Variants in NELL1 observed in about 807,000 individuals in gnomAD.
NELL1 encodes the protein neural EGFL like 1.
Under a neutral mutation model 107.4 loss-of-function variants are expected in NELL1, and 76 were observed. The ratio of observed to expected loss-of-function variants is 0.71; its 90% CI spans 0.59 to 0.86. The LOEUF is 0.86. NELL1 is among the 40% of genes least tolerant of loss of function. NELL1 has a pLI of 0.00. For synonymous variants in NELL1, 353 were observed against 341.2 expected (o/e 1.03, Z -0.38); for missense variants, 1,024 against 1,005.5 (o/e 1.02, Z -0.25).
chr11:21,015,510 T>C (rs1852544569), intron 12 of NELL1, among the ~76,000 whole-genome samples: 1 of 152,130 alleles, frequency 6.6e-6, no homozygotes, highest in African/African-American at 2.4e-5. Context: ...TCTTTCTTCT[T>C]TTCACAATTT....
intron 13 of NELL1, among the ~76,000 whole-genome samples, chr11:21,208,322 G>T (rs535317843): frequency 6.6e-6 from 1 of 151,490 alleles, no homozygotes; most frequent in African/African-American, 2.4e-5. Flanking sequence ...CATAACTCCC[G>T]TTTATCTTCT....
chr11:21,434,367 A>G (rs59098353), intron 15 of NELL1, among the ~76,000 whole-genome samples: 2,565 of 152,196 alleles, frequency 0.017, 75 homozygotes, highest in African/African-American at 0.058. Flanking sequence ...TGATTTTTGC[A>G]TATGGTGAGA....
At chr11:20,873,013 A>G (rs997245867) in intron 4 of NELL1, among the ~76,000 whole-genome samples, 1 of 152,118 alleles carries the variant, frequency 6.6e-6, no homozygotes, top group African/African-American at 2.4e-5. Flanking sequence ...CTGGTTACCA[A>G]TGTCTGTTTT....
At chr11:21,287,972 A>C (rs1849161872) in intron 14 of NELL1, among the ~76,000 whole-genome samples, 1 of 151,950 alleles carries the variant, frequency 6.6e-6, no homozygotes, top group Non-Finnish European at 1.5e-5. Context: ...ACTCACTCTA[A>C]AGAAAAGAAG....
At chr11:21,400,125 A>G (rs1852066058) in intron 15 of NELL1, among the ~76,000 whole-genome samples, 1 of 151,792 alleles carries the variant, frequency 6.6e-6, no homozygotes, top group Non-Finnish European at 1.5e-5. Context: ...AAGAAAGTCA[A>G]CCGTCACAAA....
At chr11:21,538,066 A>G (rs188424210) in intron 16 of NELL1, among the ~76,000 whole-genome samples, 1 of 152,214 alleles carries the variant, frequency 6.6e-6, no homozygotes, top group East Asian at 1.9e-4. Flanking sequence ...AATAATATCA[A>G]CCACTAATGC....
At chr11:21,174,366 T>TC (rs1856668829) in intron 13 of NELL1, among the ~76,000 whole-genome samples, 1 of 151,852 alleles carries the variant, frequency 6.6e-6, no homozygotes, top group African/African-American at 2.4e-5. Flanking sequence ...TTAAGCTTTT[T>TC]CCCCCATTCT....
chr11:20,976,222 G>GTA (rs58831291), intron 12 of NELL1, among the ~76,000 whole-genome samples: 3 of 150,734 alleles, frequency 2.0e-5, no homozygotes, highest in African/African-American at 7.3e-5. Flanking sequence ...ATATGTGTGT[G>GTA]TATATATATA....
chr11:20,910,748 G>A (rs1010669703), intron 5 of NELL1, among the ~76,000 whole-genome samples: 1 of 152,168 alleles, frequency 6.6e-6, no homozygotes, highest in African/African-American at 2.4e-5. Flanking sequence ...CTCTCATTCA[G>A]CAAGTGCTTA....
chr11:20,862,461 A>T (rs1278493759), intron 4 of NELL1, among the ~76,000 whole-genome samples: 5 of 152,162 alleles, frequency 3.3e-5, no homozygotes, highest in Non-Finnish European at 7.3e-5. Context: ...ACACATTATT[A>T]CCACCCAAAG....
intron 12 of NELL1, among the ~76,000 whole-genome samples, chr11:20,963,740 G>A (rs766318362): frequency 9.9e-5 from 15 of 152,112 alleles, no homozygotes; most frequent in Non-Finnish European, 1.5e-4. Flanking sequence ...GCTGCTTGAA[G>A]CAAGTTATTT....
At chr11:20,762,826 G>A (rs575047049) in intron 2 of NELL1, among the ~76,000 whole-genome samples, 66 of 152,152 alleles carry the variant, frequency 4.3e-4, no homozygotes, top group African/African-American at 1.6e-3. Flanking sequence ...TGGATCATTT[G>A]GTATGCCTGG....
chr11:21,143,945 A>G (rs556845054), intron 13 of NELL1, among the ~76,000 whole-genome samples: 1 of 152,202 alleles, frequency 6.6e-6, no homozygotes, highest in Non-Finnish European at 1.5e-5. Flanking sequence ...GAGATGGACC[A>G]TGGGGCCACC....
chr11:21,274,537 C>T lies in NELL1; in HGVS notation c.1549+45083C>T, dbSNP rs183046149. Among the ~76,000 whole-genome samples, 178 of 152,298 alleles carry T rather than the reference C, an allele frequency of 1.2e-3. 1 individual carries two copies. Among genetic ancestry groups the T allele is most frequent in the African/African-American group, 3.9e-3 (164 of 41,544 alleles). On this transcript the variant is annotated intron_variant, in intron 14 of 19. Coordinates refer to ENST00000357134, the MANE Select transcript of NELL1 (RefSeq NM_006157.5). ...TATCCACGAATTGAACTCAGCTCTG[C>T]ACCAAGCGGACCTAATAGACATCTA...
At chr11:21,496,389 A>G (rs961818362) in intron 15 of NELL1, among the ~76,000 whole-genome samples, 4 of 146,784 alleles carry the variant, frequency 2.7e-5, no homozygotes, top group African/African-American at 9.9e-5. Context: ...CAATTTAAAC[A>G]TATTTTTATT....
chr11:21,398,534 AG>A (rs1852029729), intron 15 of NELL1, among the ~76,000 whole-genome samples: 1 of 151,696 alleles, frequency 6.6e-6, no homozygotes, highest in East Asian at 2.0e-4. Flanking sequence ...GAATGAAGTC[AG>A]GAGGAGGATC....
chr11:21,181,299 G>A lies in NELL1; in HGVS notation c.1427-48033G>A, dbSNP rs563756244. Among the ~76,000 whole-genome samples, 45 of 151,940 alleles carry A rather than the reference G, an allele frequency of 3.0e-4. No homozygotes were observed. The South Asian group carries it at 7.7e-3, about 26-fold the overall frequency. ...TTTGCCACTACTCATGGTGAAAACC[G>A]CTACTCATGGTGAAAATCGCTATTA... On this transcript the variant is annotated intron_variant, in intron 13 of 19. Transcript: ENST00000357134.
chr11:21,057,721 A>C (rs1037245889), intron 12 of NELL1, among the ~76,000 whole-genome samples: 8 of 151,978 alleles, frequency 5.3e-5, no homozygotes. Flanking sequence ...CTATTTTAAA[A>C]AATTATACCA....
Position 21,570,959 on chromosome 11 carries a change from T to C in NELL1, c.2157+19T>C, listed in dbSNP as rs1383930567. The C allele has an allele frequency of 1.2e-6, 2 of 1,607,426 alleles. No homozygotes were observed. The highest frequency in any genetic ancestry group is 1.3e-5 in the African/African-American group (1 of 74,746). ...GTGTCTGGTATGTTGGCTTCCTTTA[T>C]AAGGTGTTGAGCCTTTACTCTGAAA... On this transcript the variant is annotated intron_variant, in intron 18 of 19. Coordinates refer to ENST00000357134, the MANE Select transcript of NELL1 (RefSeq NM_006157.5).
Sources: allele counts gnomAD v4.1 joint callset (sites outside exome capture counted in the v4.1 genomes callset), GRCh38; gene constraint gnomAD v4.1.1; transcripts MANE v1.5; gene names NCBI Gene and HGNC (gene_info 2026-07-23, HGNC 2026-07-21).